ANO4: variants seen among roughly 807,000 people sequenced by gnomAD.
ANO4 encodes the protein anoctamin-4.
In ANO4, 69 loss-of-function variants were observed where a neutral mutation model predicts 141.9. The observed-to-expected ratio is 0.49, with a 90% CI of 0.40 to 0.59. ANO4 has a LOEUF of 0.59. Among genes scored for constraint, ANO4 ranks in the 20% least tolerant of loss-of-function variants. ANO4 has a pLI of 0.00. For missense variants in ANO4, 894 were observed against 1,162.2 expected, an observed-to-expected ratio of 0.77 and a Z score of 3.36; for synonymous variants, 350 against 394.3, an observed-to-expected ratio of 0.89 and a Z score of 1.33.
chr12:100,873,959 T>C (rs2039165697), intron 1 of ANO4, among the ~76,000 whole-genome samples: 1 of 152,214 alleles, frequency 6.6e-6, no homozygotes, highest in South Asian at 2.1e-4. Context: ...CCCTGTGTCC[T>C]AGCTGCTCCA....
At chr12:100,743,435 A>G (rs1481135025) in intron 3 of ANO4, among the ~76,000 whole-genome samples, 1 of 151,960 alleles carries the variant, frequency 6.6e-6, no homozygotes, top group Non-Finnish European at 1.5e-5. Flanking sequence ...ACAATTTTTA[A>G]AAAAGTAAAT....
intron 8 of ANO4, among the ~76,000 whole-genome samples, chr12:100,989,746 GATAT>G (rs1371961179): frequency 7.0e-5 from 7 of 100,202 alleles, no homozygotes; most frequent in Non-Finnish European, 8.4e-5. Flanking sequence ...TAGATGGATG[GATAT>G]ATGGATGGAT....
At chr12:100,767,307 G>A (rs2033128678) in intron 3 of ANO4, among the ~76,000 whole-genome samples, 1 of 151,978 alleles carries the variant, frequency 6.6e-6, no homozygotes, top group African/African-American at 2.4e-5. Context: ...GTGTTTCTTT[G>A]TGATTTGATT....
At chr12:101,097,125 T>C (rs2050017009) in intron 19 of ANO4, among the ~76,000 whole-genome samples, 1 of 152,074 alleles carries the variant, frequency 6.6e-6, no homozygotes, top group African/African-American at 2.4e-5. Context: ...AAAGATTCCC[T>C]GGGTAGTGGT....
At chr12:101,010,070 C>T (rs1283072704) in intron 8 of ANO4, among the ~76,000 whole-genome samples, 1 of 152,028 alleles carries the variant, frequency 6.6e-6, no homozygotes, top group Non-Finnish European at 1.5e-5. Flanking sequence ...TCAGTTTTTT[C>T]TGGTTTTCTA....
chr12:100,734,810 G>T (rs1296588148), intron 2 of ANO4, among the ~76,000 whole-genome samples: 2 of 152,118 alleles, frequency 1.3e-5, no homozygotes, highest in Non-Finnish European at 2.9e-5. Context: ...TTATTATGAG[G>T]TTACTTAAGT....
intron 3 of ANO4, among the ~76,000 whole-genome samples, chr12:100,772,874 A>G (rs983370693): frequency 6.6e-6 from 1 of 152,224 alleles, no homozygotes; most frequent in Non-Finnish European, 1.5e-5. Context: ...ACACTTGTAT[A>G]TGCACTATCC....
chr12:100,926,309 T>A (rs996187702), intron 3 of ANO4, among the ~76,000 whole-genome samples: 1 of 152,140 alleles, frequency 6.6e-6, no homozygotes, highest in African/African-American at 2.4e-5. Flanking sequence ...CTTCTAAAGA[T>A]GTCTCAGAGT....
At chr12:100,809,477 G>C (rs1359740013) in intron 1 of ANO4, among the ~76,000 whole-genome samples, 1 of 152,156 alleles carries the variant, frequency 6.6e-6, no homozygotes, top group East Asian at 1.9e-4. Context: ...CTGTCCTGGG[G>C]CAATCAAAGA....
chr12:101,005,681 T>C (rs1206905145), intron 8 of ANO4, among the ~76,000 whole-genome samples: 5 of 152,220 alleles, frequency 3.3e-5, no homozygotes, highest in Non-Finnish European at 1.5e-5. Flanking sequence ...TTATGGTATA[T>C]GTTCGATAAA....
intron 8 of ANO4, among the ~76,000 whole-genome samples, chr12:101,009,875 A>G (rs1263033814): frequency 6.6e-6 from 1 of 152,058 alleles, no homozygotes; most frequent in Non-Finnish European, 1.5e-5. Flanking sequence ...CTGATCCTCT[A>G]ATGTCCTTAT....
chr12:100,828,748 T>C (rs2036490779), intron 1 of ANO4, among the ~76,000 whole-genome samples: 1 of 152,046 alleles, frequency 6.6e-6, no homozygotes, highest in Admixed American at 6.6e-5. Flanking sequence ...TCTCTCCAAC[T>C]TCATATAGCT....
chr12:101,121,504 T>C (rs1037717107), intron 26 of ANO4, among the ~76,000 whole-genome samples: 3 of 152,220 alleles, frequency 2.0e-5, no homozygotes, highest in Non-Finnish European at 4.4e-5. Flanking sequence ...CCAGGTTGAT[T>C]CCATGTCTTT....
chr12:100,802,548 A>G (rs1022943555), intron 1 of ANO4, among the ~76,000 whole-genome samples: 5 of 152,352 alleles, frequency 3.3e-5, no homozygotes, highest in East Asian at 1.9e-4. Context: ...TCTTGACCAG[A>G]GCATGAAAGC....
At position 101,128,112 on chromosome 12, in the gene ANO4, C is replaced by CAGTT. The variant is rs1175681820; in HGVS notation, c.*258_*261dup. 2 of 152,646 alleles carry CAGTT rather than the reference C, an allele frequency of 1.3e-5. No homozygotes were observed. Among genetic ancestry groups the CAGTT allele is most frequent in the Non-Finnish European group, 2.9e-5 (2 of 68,050 alleles). The allele number at this position is 152,646 out of a possible 1,614,324, so 9.5% of individuals were successfully genotyped here. A position where few individuals can be genotyped will look rare whatever the true frequency, so the allele number is the denominator to read the frequency against. ...ACCAAGCAAGCATGCACATTATGGG[C>CAGTT]AGTTACATTCTCAAGTTTTTAAAAT... On this transcript the variant is annotated 3_prime_UTR_variant, in exon 28 of 28. Transcript: ENST00000392977.
chr12:101,083,796 C>T lies in ANO4; in HGVS notation c.1514C>T (p.Ser505Phe), dbSNP rs2049377001. The stretch of plus-strand genomic sequence containing the variant: ...GATAAATGCAGCAGACTTATCGTTT[C>T]TGCATCTGGAATATTTTTTATGGTT... The part of the protein sequence containing the change: ...FTDKCSRLIV[S>F]ASGIFFMICV... The change falls in exon 16 of 28, where the codon TCT becomes TTT. Residue 505 changes from serine to phenylalanine, a missense_variant. By Grantham distance (155) the Ser-to-Phe change is radical. Around this residue, in one of 2 missense-constraint regions of ANO4, gnomAD observed 637 missense variants for 909.2 expected, o/e 0.70. Coordinates refer to ENST00000392977, the MANE Select transcript of ANO4 (RefSeq NM_001286615.2). 6.4e-7 allele frequency: 1 copy of T among 1,569,450 alleles called. No individual in the cohort carries two copies. Among genetic ancestry groups the T allele is most frequent in the Non-Finnish European group, 8.6e-7 (1 of 1,167,758 alleles).
chr12:100,796,937 T>A (rs1277638001), intron 1 of ANO4, among the ~76,000 whole-genome samples: 1 of 152,154 alleles, frequency 6.6e-6, no homozygotes, highest in Non-Finnish European at 1.5e-5. Flanking sequence ...AGCTTGGGTG[T>A]CATGGAAATA....
rs185732654 is a variant in ANO4, at chr12:100,986,248, G to C, written c.603-1291G>C. ...GCAATCTGCAGTTTTTAAGAAGGAGGCCTAGGAAACCTGATGGTGTAAGTC... is the reference window on the plus strand; with the variant it reads ...GCAATCTGCAGTTTTTAAGAAGGAGCCCTAGGAAACCTGATGGTGTAAGTC... On this transcript the variant is annotated intron_variant, in intron 7 of 27. Coordinates refer to ENST00000392977, the MANE Select transcript of ANO4 (RefSeq NM_001286615.2). 8.7e-4 allele frequency among the ~76,000 whole-genome samples: 132 copies of C among 152,258 alleles called. No individual in the cohort carries two copies. The South Asian group carries it at 0.017, about 20-fold the overall frequency.
At chr12:101,077,557 A>G (rs2049070234) in intron 14 of ANO4, among the ~76,000 whole-genome samples, 2 of 152,246 alleles carry the variant, frequency 1.3e-5, no homozygotes, top group South Asian at 2.1e-4. Context: ...AAGACATTTG[A>G]TTATTTTAGG....
Sources: allele counts gnomAD v4.1 joint callset (sites outside exome capture counted in the v4.1 genomes callset), GRCh38; gene constraint gnomAD v4.1.1; regional missense constraint gnomAD v4.1.1; transcripts MANE v1.5; gene names NCBI Gene and HGNC (gene_info 2026-07-23, HGNC 2026-07-21).